STARD9: variants seen among roughly 807,000 people sequenced by gnomAD.
STARD9 encodes StAR related lipid transfer domain containing 9.
STARD9 carries 346 observed loss-of-function variants against 399.8 expected under a neutral mutation model. That is an observed-to-expected ratio of 0.87 (90% CI 0.79 to 0.95). The LOEUF (loss-of-function observed/expected upper bound fraction) is 0.95, where lower values mean the gene tolerates loss of function less well. Ranked by LOEUF, STARD9 falls within the 40% of genes least tolerant of loss-of-function variation. STARD9 has a pLI of 0.00. For missense variants in STARD9, 5,832 were observed against 5,667.5 expected (o/e 1.03, Z -0.93); for synonymous variants, 2,203 against 2,143.5 (o/e 1.03, Z -0.77).
In STARD9 at chr15:42,688,645, C is replaced by T. The variant is rs2060617799; in HGVS notation, c.7067C>T (p.Ser2356Phe). ...CATGTACCTGTTGCTCTAGGCATCT[C>T]TTCACTTGACTGTGTGCTGGATCTC... is the stretch of plus-strand genomic sequence containing the variant. ...CLHVPVALGISSLDCVLDLTM... is the reference protein window; with the variant it reads ...CLHVPVALGIFSLDCVLDLTM... Residue 2356 changes from serine to phenylalanine, a missense_variant, in exon 23 of 33, where the codon TCT becomes TTT. By Grantham distance (155) the Ser-to-Phe change is radical. Around this residue, in one of 2 missense-constraint regions of STARD9, gnomAD observed 5,828 missense variants for 5,651.1 expected, o/e 1.03. Coordinates refer to ENST00000290607, the MANE Select transcript of STARD9 (RefSeq NM_020759.3). 3 of 1,537,602 alleles carry T rather than the reference C, an allele frequency of 2.0e-6. No homozygotes were observed. Among genetic ancestry groups the T allele is most frequent in the Non-Finnish European group, 2.6e-6 (3 of 1,147,002 alleles).
Position 42,699,382 on chromosome 15 carries a change from T to TTTTTC in STARD9, c.13284+3512_13284+3516dup, listed in dbSNP as rs1290894525. 1.5e-3 allele frequency among the ~76,000 whole-genome samples: 217 copies of TTTTTC among 148,088 alleles called. 3 individuals are homozygous for TTTTTC. Among genetic ancestry groups the TTTTTC allele is most frequent in the African/African-American group, 5.3e-3 (204 of 38,324 alleles). ...GCTTTCTTCTTCTATGAGATCAACT[T>TTTTTC]TTTTCTTTTCTTTTTTTTTTTTTTT... On this transcript the variant is annotated intron_variant, in intron 26 of 32. Coordinates refer to ENST00000290607, the MANE Select transcript of STARD9 (RefSeq NM_020759.3).
At chr15:42,579,167 A>C (rs1012683341) in intron 1 of STARD9, among the ~76,000 whole-genome samples, 2 of 152,204 alleles carry the variant, frequency 1.3e-5, no homozygotes, top group African/African-American at 4.8e-5. Context: ...GGGTGAATGC[A>C]AAAGCTAAAG....
At chr15:42,674,768 T>A in intron 17 of STARD9, 59 bp from the exon 18 acceptor site, 1 of 1,466,446 alleles carries the variant, frequency 6.8e-7, no homozygotes, top group Non-Finnish European at 9.0e-7. Flanking sequence ...CAGAAAGAAA[T>A]GGAGAGGGTG....
At position 42,626,852 on chromosome 15, in the gene STARD9, G is replaced by GT. The variant is rs199980841; in HGVS notation, c.235-7993dup. On this transcript the variant is annotated intron_variant, in intron 3 of 32. Coordinates refer to ENST00000290607, the MANE Select transcript of STARD9 (RefSeq NM_020759.3). ...GTTTATGTGAGGGTTTTTGATATCA[G>GT]TTTTTTTTTTTCAAGACAGCGTCTC... 3.6e-3 allele frequency among the ~76,000 whole-genome samples: 527 copies of GT among 145,122 alleles called. 9 individuals carry two copies. The East Asian group carries it at 0.047, about 13-fold the overall frequency.
At chr15:42,712,735 T>C (rs2061270873) in intron 26 of STARD9, among the ~76,000 whole-genome samples, 1 of 152,150 alleles carries the variant, frequency 6.6e-6, no homozygotes, top group Admixed American at 6.5e-5. Context: ...TCTCGCTATC[T>C]TGCCTGGGCT....
At position 42,718,122 on chromosome 15, in the gene STARD9, T is replaced by A; in HGVS notation, c.13705T>A (p.Tyr4569Asn). The change falls in exon 30 of 33, where the codon TAC (tyrosine) becomes AAC (asparagine). Residue 4569 changes from tyrosine (Y) to asparagine (N), a missense_variant. Tyr to Asn is a moderately radical substitution (Grantham distance 143). Around this residue, in one of 2 missense-constraint regions of STARD9, gnomAD observed 5,828 missense variants for 5,651.1 expected, o/e 1.03. Coordinates refer to ENST00000290607, the MANE Select transcript of STARD9 (RefSeq NM_020759.3). Reference protein sequence around the residue: ...VSDPTVWPLYYKPIQTARLHQ... With the variant: ...VSDPTVWPLYNKPIQTARLHQ... The stretch of plus-strand genomic sequence containing the variant: ...TGACCCCACTGTGTGGCCCCTGTAT[T>A]ACAAGCCCATCCAGACAGCAAGGCT... The A allele has an allele frequency of 6.5e-7, 1 of 1,537,180 alleles. No homozygotes were observed. Among genetic ancestry groups the A allele is most frequent in the Non-Finnish European group, 8.7e-7 (1 of 1,146,910 alleles).
chr15:42,611,329 A>C (rs1345330987), intron 3 of STARD9, among the ~76,000 whole-genome samples: 3 of 152,216 alleles, frequency 2.0e-5, no homozygotes, highest in Non-Finnish European at 2.9e-5. Flanking sequence ...CTCTTGATAG[A>C]AAAAGTTTGC....
chr15:42,598,589 C>T (rs553817925), intron 3 of STARD9, among the ~76,000 whole-genome samples: 1 of 151,890 alleles, frequency 6.6e-6, no homozygotes, highest in African/African-American at 2.4e-5. Context: ...ACTATTAGTT[C>T]ATCTATTTTT....
chr15:42,702,233 T>C (rs546096681), intron 26 of STARD9, among the ~76,000 whole-genome samples: 10 of 152,254 alleles, frequency 6.6e-5, no homozygotes, highest in Non-Finnish European at 1.5e-4. Flanking sequence ...AGTCAGAGTC[T>C]TGCTCTGTCG....
rs149176049 is a variant in STARD9, at chr15:42,690,693, A to C, written c.9115A>C (p.Ser3039Arg). 2.5e-3 allele frequency: 3,886 copies of C among 1,537,186 alleles called. 21 individuals are homozygous for C. Among genetic ancestry groups the C allele is most frequent in the South Asian group, 9.3e-3 (783 of 84,054 alleles). Residue 3039 changes from serine (S) to arginine (R), a missense_variant, in exon 23 of 33, where the codon AGC becomes CGC. Coordinates refer to ENST00000290607, the MANE Select transcript of STARD9 (RefSeq NM_020759.3). ...DVNREFRLTESSTCEPSTVAA... is the reference protein window; with the variant it reads ...DVNREFRLTERSTCEPSTVAA... The stretch of plus-strand genomic sequence containing the variant: ...TAACAGGGAATTTAGGCTAACAGAG[A>C]GCAGCACTTGTGAGCCTTCTACTGT...
At chr15:42,663,511 G>A in intron 12 of STARD9, 21 bp downstream of exon 12, 1 of 1,536,362 alleles carries the variant, frequency 6.5e-7, no homozygotes, top group South Asian at 1.2e-5. Flanking sequence ...TGCCAGAGCT[G>A]GACCTGTGTT....
intron 2 of STARD9, among the ~76,000 whole-genome samples, chr15:42,583,785 T>C (rs2141662957): frequency 6.6e-6 from 1 of 152,278 alleles, no homozygotes; most frequent in East Asian, 1.9e-4. Flanking sequence ...CCTTATCTTT[T>C]CAGTTGATAC....
Position 42,684,228 on chromosome 15 carries a change from C to A in STARD9, c.2650C>A (p.Pro884Thr), listed in dbSNP as rs1475111797. The A allele has an allele frequency of 6.5e-7, 1 of 1,537,286 alleles. No homozygotes were observed. The highest frequency in any genetic ancestry group is 1.2e-5 in the South Asian group (1 of 84,066). Residue 884 changes from proline (P) to threonine (T), a missense_variant, in exon 23 of 33, where the codon CCT becomes ACT. Physicochemically the swap from Pro to Thr is conservative, Grantham distance 38. Coordinates refer to ENST00000290607, the MANE Select transcript of STARD9 (RefSeq NM_020759.3). ...EEHLPQAASY[P>T]ARTGCLRKNG... ...GCATTTGCCACAGGCTGCTTCCTACCCTGCAAGGACAGGGTGCCTCCGCAA... is the reference window on the plus strand; with the variant it reads ...GCATTTGCCACAGGCTGCTTCCTACACTGCAAGGACAGGGTGCCTCCGCAA...
chr15:42,635,364 C>T (rs543757878), intron 4 of STARD9, among the ~76,000 whole-genome samples: 15 of 151,742 alleles, frequency 9.9e-5, no homozygotes, highest in South Asian at 4.2e-4. Context: ...CAGTCTTGCT[C>T]TGTCGCCGAG....
chr15:42,631,195 T>C (rs1431637496), intron 3 of STARD9, among the ~76,000 whole-genome samples: 1 of 152,186 alleles, frequency 6.6e-6, no homozygotes, highest in African/African-American at 2.4e-5. Context: ...GTTTTTCTAC[T>C]TTTTTGATAT....
In STARD9 at chr15:42,717,993, C is replaced by T; in HGVS notation, c.13576C>T (p.Gln4526Ter). The T allele has an allele frequency of 6.5e-7, 1 of 1,537,172 alleles. No homozygotes were observed. The highest frequency in any genetic ancestry group is 8.7e-7 in the Non-Finnish European group (1 of 1,146,872). The part of the protein sequence containing the change: ...TAGWNYQGEE[Q>*]AVQLYYKVFS... The stretch of plus-strand genomic sequence containing the variant: ...TCCCCCCAGCTATCAGGGTGAGGAG[C>T]AGGCGGTGCAGCTTTACTACAAGGT... Residue 4526 changes from glutamine (Q) to a stop codon, truncating the protein, a stop_gained, in exon 30 of 33, where the codon CAG (glutamine) becomes TAG (stop). Transcript: ENST00000290607. LOFTEE classifies it high-confidence loss of function.
intron 30 of STARD9, 72 bp downstream of exon 30, chr15:42,718,251 A>G: frequency 1.4e-6 from 2 of 1,430,390 alleles, no homozygotes; most frequent in Non-Finnish European, 1.9e-6. Flanking sequence ...GCTGGGGGAT[A>G]GAGGTGGAGG....
At chr15:42,716,880 G>T in intron 27 of STARD9, 47 bp from the exon 28 acceptor site, 1 of 1,536,410 alleles carries the variant, frequency 6.5e-7, no homozygotes, top group Non-Finnish European at 8.7e-7. Flanking sequence ...CTGTCCTGAG[G>T]CCCTGATGTT....
At chr15:42,626,021 G>A (rs1363311504) in intron 3 of STARD9, among the ~76,000 whole-genome samples, 1 of 150,962 alleles carries the variant, frequency 6.6e-6, no homozygotes, top group Non-Finnish European at 1.5e-5. Flanking sequence ...TCCTAAGTTC[G>A]AGTTATTCTC....
Sources: gnomAD v4.1 joint callset for allele counts (sites outside exome capture counted in the v4.1 genomes callset) on GRCh38, gnomAD v4.1.1 for gene constraint, gnomAD v4.1.1 regional missense constraint, MANE v1.5 for transcripts, NCBI Gene and HGNC (gene_info 2026-07-23, HGNC 2026-07-21) for gene names.